LAMB4: variants seen among roughly 807,000 people sequenced by gnomAD.
The protein encoded by LAMB4 is laminin subunit beta 4, also known as laminin subunit beta-4.
In LAMB4, 196 loss-of-function variants were observed where a neutral mutation model predicts 199.2. That is an observed-to-expected ratio of 0.98 (90% CI 0.88 to 1.11). The LOEUF is 1.11. LAMB4 is among the 50% of genes least tolerant of loss of function. The pLI is 0.00. For synonymous variants in LAMB4, 744 were observed against 770.6 expected (o/e 0.97, Z 0.57); for missense variants, 2,080 against 2,171.2 (o/e 0.96, Z 0.83).
intron 1 of LAMB4, among the ~76,000 whole-genome samples, chr7:108,125,703 G>C (rs1357820588): frequency 1.3e-5 from 2 of 152,234 alleles, no homozygotes; most frequent in East Asian, 3.9e-4. Context: ...GAGTGAGGCA[G>C]ACTGCCGAAT....
intron 14 of LAMB4, among the ~76,000 whole-genome samples, chr7:108,084,784 CTTTTTTTTTTTTT>C (rs745640979): frequency 2.1e-5 from 2 of 96,526 alleles, no homozygotes; most frequent in African/African-American, 4.1e-5. Flanking sequence ...CCAAGGAATC[CTTTTTTTTTTTTT>C]TTTTTTTTTT....
chr7:108,093,078 T>A (rs1351629007), intron 12 of LAMB4, among the ~76,000 whole-genome samples: 1 of 152,140 alleles, frequency 6.6e-6, no homozygotes, highest in African/African-American at 2.4e-5. Flanking sequence ...CTGCCTGTAT[T>A]TTTCCCACCC....
chr7:108,106,630 C>T, intron 6 of LAMB4, 58 bp from the exon 7 acceptor site: 4 of 997,148 alleles, frequency 4.0e-6, no homozygotes, highest in Non-Finnish European at 6.0e-6. Flanking sequence ...AATTGTCAAA[C>T]ACACTCTTTT....
intron 11 of LAMB4, among the ~76,000 whole-genome samples, chr7:108,097,539 A>G (rs2037654994): frequency 6.6e-6 from 1 of 152,224 alleles, no homozygotes; most frequent in African/African-American, 2.4e-5. Flanking sequence ...TAATCCCAGC[A>G]CTTTGGGAGG....
At chr7:108,031,099 C>T in intron 31 of LAMB4, 120 bp from the exon 32 acceptor site, 2 of 636,608 alleles carry the variant, frequency 3.1e-6, no homozygotes, top group Non-Finnish European at 5.1e-6. Context: ...ATAGTGCCTC[C>T]ACTTTTTCTG....
rs563911502 is a variant in LAMB4 at position 108,023,979 on chromosome 7, C to A, written c.*60G>T. 98 of 1,467,478 alleles carry A rather than the reference C, an allele frequency of 6.7e-5. No individual in the cohort carries two copies. The African/African-American group carries it at 1.3e-3, about 20-fold the overall frequency. The allele number at this position is 1,467,478 out of a possible 1,614,324, so 90.9% of individuals were successfully genotyped here. A position where few individuals can be genotyped will look rare whatever the true frequency, so the allele number is the denominator to read the frequency against. ...GTATTTCACAGGTTCAACAGAGCCCCAGGGGCTTGTACATCAGAAACCAGA... is the reference window on the plus strand; with the variant it reads ...GTATTTCACAGGTTCAACAGAGCCCAAGGGGCTTGTACATCAGAAACCAGA... On this transcript the variant is annotated 3_prime_UTR_variant, in exon 34 of 34. Coordinates refer to ENST00000388781, the MANE Select transcript of LAMB4 (RefSeq NM_007356.3).
intron 9 of LAMB4, 104 bp from the exon 10 acceptor site, chr7:108,103,336 G>A (rs2037884694): frequency 5.5e-6 from 5 of 914,210 alleles, no homozygotes. Flanking sequence ...TTGTCCTCCT[G>A]CCATTTCGTG....
At chr7:108,087,763 C>T (rs112267453) in intron 14 of LAMB4, among the ~76,000 whole-genome samples, 132 of 152,304 alleles carry the variant, frequency 8.7e-4, no homozygotes, top group African/African-American at 3.2e-3. Context: ...GACAAGAAAT[C>T]GTGAATTCAC....
Position 108,078,281 on chromosome 7 carries a change from G to A in LAMB4, c.1923C>T (p.Asn641=). 1 of 1,609,862 alleles carries A rather than the reference G, an allele frequency of 6.2e-7. No homozygotes were observed. Among genetic ancestry groups the A allele is most frequent in the Non-Finnish European group, 8.5e-7 (1 of 1,178,182 alleles). The change falls in exon 16 of 34, where the codon AAC becomes AAT. Residue 641 remains asparagine, a synonymous_variant. Transcript: ENST00000388781. ...TGCAGTGCTCACTCCCTCCAGGGGGGTTCACCACAATCTGGACAGTCCAGT... is the reference window on the plus strand; with the variant it reads ...TGCAGTGCTCACTCCCTCCAGGGGGATTCACCACAATCTGGACAGTCCAGT... ...AADWTVQIVV[N]PPGGSEHCIP... is the part of the protein sequence containing the mutation.
At chr7:108,110,959 T>G (rs1437850499) in intron 4 of LAMB4, among the ~76,000 whole-genome samples, 3 of 14,768 alleles carry the variant, frequency 2.0e-4, no homozygotes, top group African/African-American at 5.9e-4. Context: ...TCCCTTCTAA[T>G]GGTCTAAAAT....
chr7:108,042,630 C>T (rs897833255), intron 29 of LAMB4, among the ~76,000 whole-genome samples: 1 of 152,098 alleles, frequency 6.6e-6, no homozygotes, highest in African/African-American at 2.4e-5. Context: ...TTTTTACTGA[C>T]TATTTTTGTC....
At chr7:108,069,979 G>A (rs1287766217) in intron 17 of LAMB4, 94 bp from the exon 18 acceptor site, 6 of 942,592 alleles carry the variant, frequency 6.4e-6, no homozygotes, top group Admixed American at 5.3e-5. Context: ...GAAAATAATG[G>A]TTCAAAGAAG....
intron 17 of LAMB4, among the ~76,000 whole-genome samples, chr7:108,070,791 G>A (rs1315408710): frequency 6.6e-6 from 1 of 152,080 alleles, no homozygotes; most frequent in Non-Finnish European, 1.5e-5. Context: ...GACTGCATGG[G>A]GGTGTTGACA....
chr7:108,122,793 A>G (rs1021639717), intron 2 of LAMB4, among the ~76,000 whole-genome samples: 1 of 152,226 alleles, frequency 6.6e-6, no homozygotes, highest in Non-Finnish European at 1.5e-5. Flanking sequence ...ACAAGACCTC[A>G]TTGCTGGGAA....
intron 28 of LAMB4, among the ~76,000 whole-genome samples, chr7:108,047,181 C>T (rs545320321): frequency 2.2e-4 from 34 of 152,260 alleles, no homozygotes; most frequent in African/African-American, 7.9e-4. Flanking sequence ...TTCTTTCTCT[C>T]TCTCTTTACA....
At chr7:108,067,412 G>C (rs748880970) in intron 19 of LAMB4, among the ~76,000 whole-genome samples, 1 of 152,218 alleles carries the variant, frequency 6.6e-6, no homozygotes, top group Non-Finnish European at 1.5e-5. Flanking sequence ...TTTCACTAAT[G>C]ATTTACACTG....
chr7:108,097,301 C>G (rs556411825), intron 11 of LAMB4, among the ~76,000 whole-genome samples: 143 of 152,288 alleles, frequency 9.4e-4, no homozygotes, highest in Admixed American at 2.1e-3. Context: ...TCTACGGAGG[C>G]CCGGAGCAGC....
intron 17 of LAMB4, among the ~76,000 whole-genome samples, chr7:108,070,638 GTTTAC>G (rs913961321): frequency 2.3e-4 from 35 of 152,010 alleles, no homozygotes; most frequent in African/African-American, 8.0e-4. Flanking sequence ...CTTTTCTCTA[GTTTAC>G]TTTATTGTAG....
intron 5 of LAMB4, among the ~76,000 whole-genome samples, chr7:108,108,107 A>G (rs887684141): frequency 3.3e-5 from 5 of 151,994 alleles, no homozygotes; most frequent in East Asian, 3.9e-4. Flanking sequence ...TGCCCAGATA[A>G]TTTTTTTGTA....
Sources: allele counts gnomAD v4.1 joint callset (sites outside exome capture counted in the v4.1 genomes callset), GRCh38; gene constraint gnomAD v4.1.1; transcripts MANE v1.5; gene names NCBI Gene and HGNC (gene_info 2026-07-23, HGNC 2026-07-21).